The following PLPPR1 variants were observed in gnomAD, a reference collection of about 807,000 sequenced individuals.
PLPPR1 encodes phospholipid phosphatase related 1.
Under a neutral mutation model 33.1 loss-of-function variants are expected in PLPPR1, and 10 were observed. The observed-to-expected ratio is 0.30, with a 90% CI of 0.19 to 0.51. PLPPR1 has a LOEUF of 0.51. Among genes scored for constraint, PLPPR1 ranks in the 20% least tolerant of loss-of-function variants. The pLI is 0.97. For missense variants in PLPPR1, 304 were observed against 408.1 expected, an observed-to-expected ratio of 0.74 and a Z score of 2.20; for synonymous variants, 151 against 151.0, an observed-to-expected ratio of 1.00 and a Z score of 0.00.
At chr9:101,101,893 G>A (rs891586841) in intron 1 of PLPPR1, among the ~76,000 whole-genome samples, 5 of 152,048 alleles carry the variant, frequency 3.3e-5, no homozygotes, top group Non-Finnish European at 7.4e-5. Context: ...TTCCTTTAAA[G>A]CCAGTCTAGA....
Position 101,324,921 on chromosome 9 carries a change from C to T in PLPPR1, c.*864C>T, listed in dbSNP as rs1829224704. 6.6e-6 allele frequency: 1 copy of T among 152,642 alleles called. No individual in the cohort carries two copies. Among genetic ancestry groups the T allele is most frequent in the Admixed American group, 6.5e-5 (1 of 15,280 alleles). 9.5% of individuals were successfully genotyped at this position (152,642 alleles called of 1,614,324 possible). A position where few individuals can be genotyped will look rare whatever the true frequency, so the allele number is the denominator to read the frequency against. On this transcript the variant is annotated 3_prime_UTR_variant, in exon 8 of 8. Coordinates refer to ENST00000374874, the MANE Select transcript of PLPPR1 (RefSeq NM_207299.2). The stretch of plus-strand genomic sequence containing the variant: ...TCTACAACATAGGGCCCCAGAACAA[C>T]AGTTTCACTTTGTGGCTTTTAATTA...
intron 1 of PLPPR1, among the ~76,000 whole-genome samples, chr9:101,034,000 T>G (rs754975078): frequency 6.6e-6 from 1 of 151,920 alleles, no homozygotes; most frequent in African/African-American, 2.4e-5. Flanking sequence ...AATTTTAGTA[T>G]AGCAGTGTGC....
At chr9:101,310,944 AAAC>A (rs1192830779) in intron 5 of PLPPR1, among the ~76,000 whole-genome samples, 2 of 152,206 alleles carry the variant, frequency 1.3e-5, no homozygotes, top group Non-Finnish European at 2.9e-5. Context: ...GCTTTATCAA[AAAC>A]AAAACCAAAC....
chr9:101,243,860 T>C (rs911357539), intron 2 of PLPPR1, among the ~76,000 whole-genome samples: 1 of 151,850 alleles, frequency 6.6e-6, no homozygotes, highest in Non-Finnish European at 1.5e-5. Flanking sequence ...TATTTCAACA[T>C]ACAAGAGATA....
chr9:101,310,144 C>T (rs1024650140), intron 5 of PLPPR1, among the ~76,000 whole-genome samples: 2 of 152,118 alleles, frequency 1.3e-5, no homozygotes, highest in African/African-American at 4.8e-5. Context: ...TCTTAAAGAA[C>T]AATGGTGTCT....
intron 1 of PLPPR1, among the ~76,000 whole-genome samples, chr9:101,180,219 T>TAC (rs1301590585): frequency 2.2e-5 from 3 of 136,194 alleles, no homozygotes; most frequent in Non-Finnish European, 3.2e-5. Context: ...TATATACACA[T>TAC]ACACACACAC....
intron 2 of PLPPR1, among the ~76,000 whole-genome samples, chr9:101,218,129 G>A (rs927306338): frequency 6.6e-6 from 1 of 151,914 alleles, no homozygotes; most frequent in Admixed American, 6.6e-5. Flanking sequence ...ATTCAAGTAC[G>A]ATCTATCAAT....
intron 1 of PLPPR1, among the ~76,000 whole-genome samples, chr9:101,145,393 T>G (rs1588046506): frequency 1.3e-5 from 2 of 152,156 alleles, no homozygotes. Context: ...TATACAATTT[T>G]TTTTTGAGAC....
At chr9:101,085,306 C>G (rs1830663301) in intron 1 of PLPPR1, among the ~76,000 whole-genome samples, 1 of 152,194 alleles carries the variant, frequency 6.6e-6, no homozygotes, top group African/African-American at 2.4e-5. Flanking sequence ...AAAAAAGATA[C>G]TCTAGAATAT....
chr9:101,316,478 A>G (rs909590585), intron 6 of PLPPR1, among the ~76,000 whole-genome samples: 6 of 151,812 alleles, frequency 4.0e-5, no homozygotes, highest in African/African-American at 1.5e-4. Flanking sequence ...TAAGAGTGAG[A>G]TGGAGATGAG....
chr9:101,087,846 A>G (rs1192907147), intron 1 of PLPPR1, among the ~76,000 whole-genome samples: 1 of 152,188 alleles, frequency 6.6e-6, no homozygotes, highest in Non-Finnish European at 1.5e-5. Context: ...TTGTCTACGT[A>G]TTGTTTTCTG....
At position 101,321,014 on chromosome 9, in the gene PLPPR1, G is replaced by C. The variant is rs1488630636; in HGVS notation, c.946-3011G>C. On this transcript the variant is annotated intron_variant, in intron 7 of 7. Coordinates refer to ENST00000374874, the MANE Select transcript of PLPPR1 (RefSeq NM_207299.2). Reference sequence around the variant, plus strand: ...TACAGGGGGCTGGTATACTGAACCTGAGCTACAGTTTTTCCAAAGTAAATA... The same window carrying C: ...TACAGGGGGCTGGTATACTGAACCTCAGCTACAGTTTTTCCAAAGTAAATA... 2.6e-5 allele frequency among the ~76,000 whole-genome samples: 4 copies of C among 152,284 alleles called. No individual in the cohort carries two copies. The East Asian group carries it at 5.8e-4, about 22-fold the overall frequency.
At chr9:101,225,860 A>G (rs1199089356) in intron 2 of PLPPR1, among the ~76,000 whole-genome samples, 1 of 151,952 alleles carries the variant, frequency 6.6e-6, no homozygotes, top group Non-Finnish European at 1.5e-5. Flanking sequence ...CTATTTTACC[A>G]AACCAGTTGT....
intron 1 of PLPPR1, among the ~76,000 whole-genome samples, chr9:101,156,552 C>CAAAAAAAAAAAAAAAAAAAAAAAA (rs1162056636): frequency 7.0e-5 from 5 of 71,316 alleles, no homozygotes; most frequent in Admixed American, 3.1e-4. Context: ...ACCCTGTCTC[C>CAAAAAAAAAAAAAAAAAAAAAAAA]AAAAAAAAAA....
At chr9:101,178,898 C>T (rs562775264) in intron 1 of PLPPR1, among the ~76,000 whole-genome samples, 9 of 152,160 alleles carry the variant, frequency 5.9e-5, no homozygotes, top group Admixed American at 2.0e-4. Flanking sequence ...CCTGTTCCTG[C>T]GACATTATGT....
At chr9:101,233,428 T>A (rs1827230506) in intron 2 of PLPPR1, among the ~76,000 whole-genome samples, 1 of 152,034 alleles carries the variant, frequency 6.6e-6, no homozygotes, top group Admixed American at 6.6e-5. Flanking sequence ...GATGGTACCC[T>A]GTGCCTTGGG....
intron 1 of PLPPR1, among the ~76,000 whole-genome samples, chr9:101,150,639 G>A (rs1401577764): frequency 6.6e-6 from 1 of 152,160 alleles, no homozygotes; most frequent in Non-Finnish European, 1.5e-5. Flanking sequence ...CTAAGTCATA[G>A]TTGGTTAGTG....
chr9:101,229,831 G>A (rs1827145374), intron 2 of PLPPR1, among the ~76,000 whole-genome samples: 1 of 152,146 alleles, frequency 6.6e-6, no homozygotes, highest in Non-Finnish European at 1.5e-5. Flanking sequence ...AGTGACTGAA[G>A]TGGAGAGGCA....
intron 1 of PLPPR1, among the ~76,000 whole-genome samples, chr9:101,109,409 A>T (rs1831022853): frequency 6.6e-6 from 1 of 152,150 alleles, no homozygotes; most frequent in Non-Finnish European, 1.5e-5. Context: ...TAGTTGATGC[A>T]TTTAAATAAG....
Sources: allele counts gnomAD v4.1 joint callset (sites outside exome capture counted in the v4.1 genomes callset), GRCh38; gene constraint gnomAD v4.1.1; transcripts MANE v1.5; gene names NCBI Gene and HGNC (gene_info 2026-07-23, HGNC 2026-07-21).